Variants in STK39 observed in about 807,000 individuals in gnomAD.
The protein encoded by STK39 is serine/threonine kinase 39.
Under a neutral mutation model 77.8 loss-of-function variants are expected in STK39, and 20 were observed. The ratio of observed to expected loss-of-function variants is 0.26; its 90% CI spans 0.18 to 0.37. STK39 has a LOEUF of 0.37. Ranked by LOEUF, STK39 falls within the 10% of genes least tolerant of loss-of-function variation. The pLI, the probability that STK39 is intolerant of heterozygous loss-of-function variation, is 1.00. For missense variants in STK39, 479 were observed against 656.5 expected, an observed-to-expected ratio of 0.73 and a Z score of 2.95; for synonymous variants, 246 against 234.1, an observed-to-expected ratio of 1.05 and a Z score of -0.47.
At chr2:167,987,412 G>A (rs1683588430) in intron 16 of STK39, among the ~76,000 whole-genome samples, 1 of 152,098 alleles carries the variant, frequency 6.6e-6, no homozygotes, top group Non-Finnish European at 1.5e-5. Flanking sequence ...CGGTGGCAGA[G>A]TATACTTAGA....
chr2:168,149,021 G>A (rs534950836), intron 5 of STK39, among the ~76,000 whole-genome samples: 1 of 152,266 alleles, frequency 6.6e-6, no homozygotes, highest in South Asian at 2.1e-4. Context: ...ACACACTGTT[G>A]GCTGACTACC....
At chr2:168,208,355 T>C (rs1185755542) in intron 1 of STK39, among the ~76,000 whole-genome samples, 3 of 152,186 alleles carry the variant, frequency 2.0e-5, no homozygotes, top group Non-Finnish European at 2.9e-5. Context: ...AATGTCCACA[T>C]AGCACACAAA....
intron 1 of STK39, among the ~76,000 whole-genome samples, chr2:168,197,263 AAGG>A (rs1689495904): frequency 6.6e-6 from 1 of 152,232 alleles, no homozygotes; most frequent in Admixed American, 6.5e-5. Context: ...GTTAAATGCA[AAGG>A]AGGAGACATT....
rs574828977 is a variant in STK39 at position 168,028,254 on chromosome 2, A to T, written c.1377-11159T>A. Among the ~76,000 whole-genome samples, 7 of 152,316 alleles carry T rather than the reference A, an allele frequency of 4.6e-5. No homozygotes were observed. The South Asian group carries it at 1.4e-3, about 32-fold the overall frequency. On this transcript the variant is annotated intron_variant, in intron 14 of 17. Coordinates refer to ENST00000355999, the MANE Select transcript of STK39 (RefSeq NM_013233.3). ...ACATGTGCCTACCATCCAGAATTTT[A>T]AAAATGGTAATATTTTGTCATATTT...
intron 5 of STK39, among the ~76,000 whole-genome samples, chr2:168,141,275 GTTTTA>G (rs896530961): frequency 6.6e-6 from 1 of 152,130 alleles, no homozygotes; most frequent in African/African-American, 2.4e-5. Flanking sequence ...GACCAGAAAT[GTTTTA>G]GATTTTGGAT....
chr2:168,163,545 C>G, intron 4 of STK39, 194 bp downstream of exon 4: 1 of 959,924 alleles, frequency 1.0e-6, no homozygotes, highest in African/African-American at 1.8e-5. Context: ...AAAGTAATGT[C>G]AATACCTGCC....
intron 16 of STK39, among the ~76,000 whole-genome samples, chr2:167,984,876 A>G (rs1449834929): frequency 6.6e-6 from 1 of 152,228 alleles, no homozygotes; most frequent in African/African-American, 2.4e-5. Context: ...ACATTTTCAA[A>G]TGAAAAGCTT....
At chr2:168,166,315 T>C (rs1227770720) in intron 3 of STK39, among the ~76,000 whole-genome samples, 1 of 152,196 alleles carries the variant, frequency 6.6e-6, no homozygotes, top group Non-Finnish European at 1.5e-5. Context: ...CGGTTATCAT[T>C]ATCATTCCCT....
intron 1 of STK39, among the ~76,000 whole-genome samples, chr2:168,191,937 T>C (rs965672556): frequency 6.6e-6 from 1 of 152,066 alleles, no homozygotes; most frequent in Non-Finnish European, 1.5e-5. Flanking sequence ...GTTATTAGAC[T>C]CTACACATTT....
intron 14 of STK39, among the ~76,000 whole-genome samples, chr2:168,031,807 C>T (rs867590678): frequency 2.0e-5 from 3 of 152,276 alleles, no homozygotes; most frequent in South Asian, 2.1e-4. Context: ...ATTGTTTAAG[C>T]GACCCAGTTT....
At chr2:168,067,899 T>C (rs1685836003) in intron 12 of STK39, among the ~76,000 whole-genome samples, 1 of 152,078 alleles carries the variant, frequency 6.6e-6, no homozygotes. Context: ...GACTGGGTAA[T>C]TTATAAAGAA....
At chr2:168,240,295 G>C (rs1360370858) in intron 1 of STK39, among the ~76,000 whole-genome samples, 1 of 152,172 alleles carries the variant, frequency 6.6e-6, no homozygotes, top group Non-Finnish European at 1.5e-5. Context: ...AGGGTGACGG[G>C]AGAGCTACTA....
In STK39 at chr2:167,985,749, A is replaced by G. The variant is rs150269509; in HGVS notation, c.1499-21023T>C. On this transcript the variant is annotated intron_variant, in intron 16 of 17. Transcript: ENST00000355999. ...TTACTAATAGTAAATAATAATAAAT[A>G]TTAATTTGCATGCATTAGGAAATCA... is the stretch of plus-strand genomic sequence containing the variant. Among the ~76,000 whole-genome samples the G allele has an allele frequency of 1.3e-3, 193 of 152,330 alleles. 3 individuals carry two copies. Among genetic ancestry groups the G allele is most frequent in the African/African-American group, 4.1e-3 (170 of 41,568 alleles).
At chr2:168,154,405 G>C (rs1312473033) in intron 5 of STK39, among the ~76,000 whole-genome samples, 1 of 152,190 alleles carries the variant, frequency 6.6e-6, no homozygotes, top group Non-Finnish European at 1.5e-5. Flanking sequence ...GCCTAGACTG[G>C]CTACTGTGTC....
chr2:168,082,015 G>A (rs576809323), intron 10 of STK39, among the ~76,000 whole-genome samples: 374 of 152,122 alleles, frequency 2.5e-3, no homozygotes, highest in Non-Finnish European at 4.0e-3. Context: ...TATCAGCAGC[G>A]CAAAAACATA....
At chr2:168,204,063 A>G (rs1443823625) in intron 1 of STK39, among the ~76,000 whole-genome samples, 1 of 152,202 alleles carries the variant, frequency 6.6e-6, no homozygotes, top group African/African-American at 2.4e-5. Flanking sequence ...TGAAGAATGG[A>G]TATGTGTTCT....
intron 14 of STK39, among the ~76,000 whole-genome samples, chr2:168,032,694 G>A (rs113239431): frequency 2.6e-5 from 4 of 152,174 alleles, no homozygotes; most frequent in Non-Finnish European, 4.4e-5. Flanking sequence ...AGTGACAGAC[G>A]TGCTTTTCAG....
chr2:168,110,160 T>C (rs1390209175), intron 10 of STK39, among the ~76,000 whole-genome samples: 3 of 152,224 alleles, frequency 2.0e-5, no homozygotes, highest in Admixed American at 2.0e-4. Flanking sequence ...TTTTGCCTGT[T>C]ACATTAAGTG....
chr2:168,147,385 C>A (rs186778980), intron 5 of STK39, among the ~76,000 whole-genome samples: 1 of 152,222 alleles, frequency 6.6e-6, no homozygotes, highest in Non-Finnish European at 1.5e-5. Context: ...ATACCACCAA[C>A]GTTGGATGAT....
Sources: gnomAD v4.1 joint callset for allele counts (sites outside exome capture counted in the v4.1 genomes callset) on GRCh38, gnomAD v4.1.1 for gene constraint, MANE v1.5 for transcripts, NCBI Gene and HGNC (gene_info 2026-07-23, HGNC 2026-07-21) for gene names.